CNTNAP2: variants seen among roughly 807,000 people sequenced by gnomAD.
The protein encoded by CNTNAP2 is contactin-associated protein-like 2.
A neutral mutation model predicts 155.2 loss-of-function variants in CNTNAP2; 98 were observed. The ratio of observed to expected loss-of-function variants is 0.63; its 90% CI spans 0.54 to 0.75. The LOEUF (loss-of-function observed/expected upper bound fraction) is 0.75. Ranked by LOEUF, CNTNAP2 falls within the 30% of genes least tolerant of loss-of-function variation. The probability of loss-of-function intolerance (pLI) is 0.00; values close to 1 mark genes in which losing one functional copy is unlikely to be tolerated. For synonymous variants in CNTNAP2, 651 were observed against 631.2 expected, an observed-to-expected ratio of 1.03 and a Z score of -0.47; for missense variants, 1,727 against 1,688.1, an observed-to-expected ratio of 1.02 and a Z score of -0.40.
At chr7:148,296,772 T>C (rs2116491739) in intron 21 of CNTNAP2, among the ~76,000 whole-genome samples, 2 of 152,130 alleles carry the variant, frequency 1.3e-5, no homozygotes, top group Middle Eastern at 3.4e-3. Context: ...GGTCAGACAA[T>C]CCCTTCTGAT....
chr7:148,080,983 G>A (rs1260668923), intron 15 of CNTNAP2, among the ~76,000 whole-genome samples: 1 of 152,140 alleles, frequency 6.6e-6, no homozygotes, highest in African/African-American at 2.4e-5. Context: ...GAGACTCAAG[G>A]CATAGGTGGA....
At chr7:147,264,445 T>C (rs973648224) in intron 8 of CNTNAP2, among the ~76,000 whole-genome samples, 2 of 151,730 alleles carry the variant, frequency 1.3e-5, no homozygotes, top group African/African-American at 4.8e-5. Flanking sequence ...TAAGGGGAAG[T>C]GGGATAAAAT....
chr7:146,343,956 T>C (rs555091603), intron 1 of CNTNAP2, among the ~76,000 whole-genome samples: 15 of 152,238 alleles, frequency 9.9e-5, no homozygotes, highest in South Asian at 2.1e-4. Flanking sequence ...AAATATTTTA[T>C]CATAGTTTTC....
chr7:147,043,626 A>G (rs1471621587), intron 3 of CNTNAP2, among the ~76,000 whole-genome samples: 1 of 152,250 alleles, frequency 6.6e-6, no homozygotes, highest in Non-Finnish European at 1.5e-5. Context: ...ACTCATTTCA[A>G]TGTGTATGGA....
intron 8 of CNTNAP2, among the ~76,000 whole-genome samples, chr7:147,177,187 C>T (rs1802366400): frequency 6.6e-6 from 1 of 151,754 alleles, no homozygotes; most frequent in African/African-American, 2.4e-5. Context: ...AGGGAAGCAA[C>T]TTAAAAATAA....
intron 1 of CNTNAP2, among the ~76,000 whole-genome samples, chr7:146,299,448 A>G (rs549206885): frequency 9.7e-4 from 148 of 152,202 alleles, no homozygotes; most frequent in Middle Eastern, 6.8e-3. Flanking sequence ...CAGTGTCACG[A>G]TCATAGCTCA....
At chr7:146,153,170 A>C (rs1398928590) in intron 1 of CNTNAP2, among the ~76,000 whole-genome samples, 1 of 152,140 alleles carries the variant, frequency 6.6e-6, no homozygotes, top group East Asian at 1.9e-4. Flanking sequence ...TGCTTCATGG[A>C]AAATTGAACA....
chr7:147,989,495 A>C (rs1371078058), intron 15 of CNTNAP2, among the ~76,000 whole-genome samples: 1 of 152,190 alleles, frequency 6.6e-6, no homozygotes, highest in Non-Finnish European at 1.5e-5. Flanking sequence ...CATCATTCTT[A>C]TATCCATTTG....
intron 1 of CNTNAP2, among the ~76,000 whole-genome samples, chr7:146,168,851 C>A (rs190310816): frequency 6.6e-6 from 1 of 152,258 alleles, no homozygotes. Context: ...TGCTCAAAAC[C>A]CTGAAATGGC....
intron 13 of CNTNAP2, among the ~76,000 whole-genome samples, chr7:147,867,153 A>G (rs926309018): frequency 1.3e-5 from 2 of 152,140 alleles, no homozygotes; most frequent in East Asian, 1.9e-4. Flanking sequence ...GGTGGTGACA[A>G]AATCTCTCAG....
At chr7:146,505,583 A>G (rs990120036) in intron 1 of CNTNAP2, among the ~76,000 whole-genome samples, 3 of 152,206 alleles carry the variant, frequency 2.0e-5, no homozygotes, top group African/African-American at 7.2e-5. Context: ...ATGGTCAATC[A>G]TAGAGGCCAT....
intron 8 of CNTNAP2, among the ~76,000 whole-genome samples, chr7:147,215,359 C>T (rs1222295801): frequency 3.3e-5 from 5 of 152,172 alleles, no homozygotes; most frequent in Non-Finnish European, 7.3e-5. Flanking sequence ...CTATTCATCC[C>T]TCACTCCCCA....
chr7:147,395,827 C>A lies in CNTNAP2; in HGVS notation c.1670+47C>A, dbSNP rs770801342. 4.4e-6 allele frequency: 7 copies of A among 1,605,310 alleles called. No individual in the cohort carries two copies. In the Admixed American group the frequency reaches 5.0e-5, roughly 12 times the overall value. On this transcript the variant is annotated intron_variant, in intron 10 of 23. Coordinates refer to ENST00000361727, the MANE Select transcript of CNTNAP2 (RefSeq NM_014141.6). The stretch of plus-strand genomic sequence containing the variant: ...CCTCACGTTGTCCAAACTTTCCAAA[C>A]CTGTGTTTCTGTTGTGAGACCAGTG...
At chr7:146,229,019 C>T (rs970968954) in intron 1 of CNTNAP2, among the ~76,000 whole-genome samples, 9 of 152,122 alleles carry the variant, frequency 5.9e-5, no homozygotes, top group African/African-American at 1.4e-4. Flanking sequence ...ATCACTGAAC[C>T]GTTTCACATG....
chr7:146,166,760 G>T (rs1014372078), intron 1 of CNTNAP2, among the ~76,000 whole-genome samples: 5 of 152,168 alleles, frequency 3.3e-5, no homozygotes, highest in Non-Finnish European at 5.9e-5. Flanking sequence ...AATCGAGTTA[G>T]AAGTGGTCAG....
intron 1 of CNTNAP2, among the ~76,000 whole-genome samples, chr7:146,538,840 C>A (rs1018233828): frequency 9.9e-5 from 15 of 151,586 alleles, no homozygotes; most frequent in African/African-American, 3.6e-4. Context: ...TTATTTTAAA[C>A]ATTATCATAA....
intron 3 of CNTNAP2, among the ~76,000 whole-genome samples, chr7:146,914,921 T>C (rs566922083): frequency 1.3e-5 from 2 of 152,220 alleles, no homozygotes; most frequent in African/African-American, 4.8e-5. Context: ...GTTTTCCCAA[T>C]GTTATCTTCT....
chr7:147,326,203 C>G (rs148781731), intron 9 of CNTNAP2, among the ~76,000 whole-genome samples: 1 of 152,158 alleles, frequency 6.6e-6, no homozygotes, highest in African/African-American at 2.4e-5. Flanking sequence ...GGATTACAGG[C>G]GTTAGCCACT....
intron 13 of CNTNAP2, among the ~76,000 whole-genome samples, chr7:147,807,051 C>A (rs1798102012): frequency 6.6e-6 from 1 of 151,944 alleles, no homozygotes; most frequent in Non-Finnish European, 1.5e-5. Context: ...GTGGCTCAAG[C>A]CTGTAATCCT....
Sources: allele counts gnomAD v4.1 joint callset (sites outside exome capture counted in the v4.1 genomes callset), GRCh38; gene constraint gnomAD v4.1.1; transcripts MANE v1.5; gene names NCBI Gene and HGNC (gene_info 2026-07-23, HGNC 2026-07-21).